The following HOGA1 variants were observed in gnomAD, a reference collection of about 807,000 sequenced individuals.
HOGA1 encodes the protein 4-hydroxy-2-oxoglutarate aldolase 1.
In HOGA1, 30 loss-of-function variants were observed where a neutral mutation model predicts 34.3. That is an observed-to-expected ratio of 0.87 (90% CI 0.65 to 1.19). The LOEUF is 1.19. Ranked by LOEUF, HOGA1 falls within the 50% of genes most tolerant of loss-of-function variation. The pLI is 0.00. For missense variants in HOGA1, 417 were observed against 436.5 expected, an observed-to-expected ratio of 0.96 and a Z score of 0.40; for synonymous variants, 161 against 174.0, an observed-to-expected ratio of 0.93 and a Z score of 0.59.
At chr10:97,604,521 G>A (rs147472149) in intron 6 of HOGA1, among the ~76,000 whole-genome samples, 2 of 151,918 alleles carry the variant, frequency 1.3e-5, no homozygotes, top group Non-Finnish European at 2.9e-5. Context: ...ACAAGGTCTC[G>A]CTATGTTGCC....
chr10:97,589,103 C>T (rs897064446), intron 1 of HOGA1, among the ~76,000 whole-genome samples: 3 of 152,070 alleles, frequency 2.0e-5, no homozygotes, highest in Non-Finnish European at 4.4e-5. Context: ...GGGATCTAGA[C>T]CCGATGAAGT....
chr10:97,589,236 T>A (rs1007575292), intron 1 of HOGA1, among the ~76,000 whole-genome samples: 1 of 151,896 alleles, frequency 6.6e-6, no homozygotes, highest in Admixed American at 6.6e-5. Flanking sequence ...AACTCTGCCC[T>A]GTAGTGAGGC....
At chr10:97,607,179 G>C (rs2041163948) in intron 6 of HOGA1, among the ~76,000 whole-genome samples, 1 of 151,794 alleles carries the variant, frequency 6.6e-6, no homozygotes, top group Non-Finnish European at 1.5e-5. Flanking sequence ...GCTGCCTGGA[G>C]GGTAGAAGAG....
chr10:97,592,966 G>T (rs1213896464), intron 1 of HOGA1, among the ~76,000 whole-genome samples: 1 of 143,796 alleles, frequency 7.0e-6, no homozygotes, highest in Non-Finnish European at 1.5e-5. Flanking sequence ...GGAGGCGGAG[G>T]TTGCAGTGAA....
chr10:97,601,761 T>TGTCA, intron 5 of HOGA1, 96 bp from the exon 6 acceptor site: 1 of 1,439,776 alleles, frequency 6.9e-7, no homozygotes, highest in Non-Finnish European at 9.7e-7. Context: ...GAAATCTGTA[T>TGTCA]CTAATGTCCC....
intron 4 of HOGA1, 67 bp from the exon 5 acceptor site, chr10:97,600,000 C>G: frequency 6.5e-7 from 1 of 1,533,694 alleles, no homozygotes; most frequent in Non-Finnish European, 9.0e-7. Context: ...CATTCCACCA[C>G]ACTTACCCGG....
chr10:97,584,987 C>A, intron 1 of HOGA1, 73 bp downstream of exon 1: 1 of 1,292,980 alleles, frequency 7.7e-7, no homozygotes, highest in Non-Finnish European at 1.1e-6. Flanking sequence ...AGGGAGGGTA[C>A]ACAGGCTCTG....
intron 1 of HOGA1, among the ~76,000 whole-genome samples, chr10:97,593,581 T>A (rs937940118): frequency 6.6e-6 from 1 of 152,168 alleles, no homozygotes; most frequent in Non-Finnish European, 1.5e-5. Context: ...ATGAATTATG[T>A]CATGCAAAAA....
rs992265614 is a variant in HOGA1, at chr10:97,603,936, G to A, written c.834+1946G>A. Among the ~76,000 whole-genome samples, 4 of 152,210 alleles carry A rather than the reference G, an allele frequency of 2.6e-5. No homozygotes were observed. The highest frequency in any genetic ancestry group is 9.6e-5 in the African/African-American group (4 of 41,458). ...ATACAAAGGGATCCCATGTACCCAT[G>A]AGCCAGTTTTCCCCAATGGCAACAT... On this transcript the variant is annotated intron_variant, in intron 6 of 6. Coordinates refer to ENST00000370646, the MANE Select transcript of HOGA1 (RefSeq NM_138413.4). The surrounding 1 kb of genome is among the most constrained non-coding windows in gnomAD (Gnocchi z 4.5).
In HOGA1 at chr10:97,603,145, G is replaced by A. The variant is rs762862912; in HGVS notation, c.834+1155G>A. 6.6e-6 allele frequency among the ~76,000 whole-genome samples: 1 copy of A among 152,070 alleles called. No homozygotes were observed. The highest frequency in any genetic ancestry group is 1.5e-5 in the Non-Finnish European group (1 of 68,010). On this transcript the variant is annotated intron_variant, in intron 6 of 6. Transcript: ENST00000370646. This position sits in a 1 kb window ranked among gnomAD's most constrained non-coding sequence, Gnocchi z 4.5. ...GCTTCCCTAGTAGCTGGGATTACAG[G>A]CACGTGCCACCATACCCGGATAATT...
intron 1 of HOGA1, among the ~76,000 whole-genome samples, chr10:97,589,186 T>C (rs2040997634): frequency 6.6e-6 from 1 of 152,070 alleles, no homozygotes; most frequent in African/African-American, 2.4e-5. Context: ...TCATGTTAGT[T>C]ACTCCAGAAT....
Position 97,584,838 on chromosome 10 carries a change from C to T in HOGA1, c.135C>T (p.Pro45=). 6.2e-7 allele frequency: 1 copy of T among 1,614,146 alleles called. No individual in the cohort carries two copies. Among genetic ancestry groups the T allele is most frequent in the Non-Finnish European group, 8.5e-7 (1 of 1,180,018 alleles). Reference sequence around the variant, plus strand: ...GTATCTACCCCCCTGTGACCACCCCCTTCACTGCCACTGCAGAGGTGGACT... The same window carrying T: ...GTATCTACCCCCCTGTGACCACCCCTTTCACTGCCACTGCAGAGGTGGACT... ...IAGIYPPVTT[P]FTATAEVDYG... is the part of the protein sequence containing the mutation. The change falls in exon 1 of 7, where the codon CCC becomes CCT. Residue 45 remains proline (P), a synonymous_variant. Transcript: ENST00000370646.
intron 6 of HOGA1, among the ~76,000 whole-genome samples, chr10:97,610,556 G>A (rs903844258): frequency 1.3e-5 from 2 of 152,264 alleles, no homozygotes; most frequent in Admixed American, 6.5e-5. Flanking sequence ...AGGCCGAGGC[G>A]GGCAGATCAC....
intron 1 of HOGA1, among the ~76,000 whole-genome samples, chr10:97,592,466 T>C (rs960104251): frequency 2.0e-5 from 3 of 151,888 alleles, no homozygotes; most frequent in African/African-American, 7.3e-5. Context: ...GTTCTCCATC[T>C]CCTGACTTCG....
At chr10:97,592,274 T>C (rs2041031822) in intron 1 of HOGA1, among the ~76,000 whole-genome samples, 2 of 143,598 alleles carry the variant, frequency 1.4e-5, no homozygotes, top group African/African-American at 5.1e-5. Flanking sequence ...GGAGTCTTGC[T>C]CTGTGGCCCA....
rs1025566999 is a variant in HOGA1 at position 97,598,687 on chromosome 10, A to G, written c.212-88A>G. ...GCAAAGATGGGAAGGAAATGTGTGA[A>G]AGATTATGGTGTCGTAAGGTAGGAA... On this transcript the variant is annotated intron_variant, in intron 1 of 6. Transcript: ENST00000370646. 10 of 1,509,648 alleles carry G rather than the reference A, an allele frequency of 6.6e-6. No individual in the cohort carries two copies. In the South Asian group the frequency reaches 7.9e-5, roughly 12 times the overall value. 93.5% of individuals were successfully genotyped at this position (1,509,648 alleles called of 1,614,324 possible).
At chr10:97,600,229 C>T (rs985964047) in intron 5 of HOGA1, 66 bp downstream of exon 5, 126 of 1,331,224 alleles carry the variant, frequency 9.5e-5, no homozygotes, top group Non-Finnish European at 1.3e-4. Context: ...CTGGGTCTTC[C>T]GGGAGAGATC....
In HOGA1 at chr10:97,597,388, A is replaced by AT. The variant is rs113111499; in HGVS notation, c.212-1377dup. ...TACTCTGTGTTTGTAAACTACTGCC[A>AT]TTTTTTTTTTCTTTAATGGAGTGGG... On this transcript the variant is annotated intron_variant, in intron 1 of 6. Coordinates refer to ENST00000370646, the MANE Select transcript of HOGA1 (RefSeq NM_138413.4). 5.5e-3 allele frequency among the ~76,000 whole-genome samples: 819 copies of AT among 148,860 alleles called. 10 individuals are homozygous for AT. Among genetic ancestry groups the AT allele is most frequent in the African/African-American group, 0.017 (704 of 40,552 alleles).
In HOGA1 at chr10:97,607,007, C is replaced by T. The variant is rs908888651; in HGVS notation, c.835-4503C>T. 2.6e-5 allele frequency among the ~76,000 whole-genome samples: 4 copies of T among 151,846 alleles called. No individual in the cohort carries two copies. The East Asian group carries it at 5.8e-4, about 22-fold the overall frequency. On this transcript the variant is annotated intron_variant, in intron 6 of 6. Coordinates refer to ENST00000370646, the MANE Select transcript of HOGA1 (RefSeq NM_138413.4). ...TAAGGATCTGGTGCAGAGTGGCTCA[C>T]GCCTATAATCTTAGCATTTTTGGAG... is the stretch of plus-strand genomic sequence containing the variant.
Sources: gnomAD v4.1 joint callset for allele counts (sites outside exome capture counted in the v4.1 genomes callset) on GRCh38, gnomAD v4.1.1 for gene constraint, Gnocchi (gnomAD v3.1) non-coding constraint, MANE v1.5 for transcripts, NCBI Gene and HGNC (gene_info 2026-07-23, HGNC 2026-07-21) for gene names.